The following DNAH7 variants were observed in gnomAD, a reference collection of about 807,000 sequenced individuals.
DNAH7 encodes axonemal beta dynein heavy chain 7.
Under a neutral mutation model 444.6 loss-of-function variants are expected in DNAH7, and 397 were observed. The ratio of observed to expected loss-of-function variants is 0.89; its 90% CI spans 0.82 to 0.97. DNAH7 has a LOEUF of 0.97. Ranked by LOEUF, DNAH7 falls within the 50% of genes least tolerant of loss-of-function variation. DNAH7 has a pLI of 0.00. For synonymous variants in DNAH7, 1,636 were observed against 1,624.4 expected (o/e 1.01, Z -0.17); for missense variants, 4,902 against 4,800.8 (o/e 1.02, Z -0.62).
intron 54 of DNAH7, among the ~76,000 whole-genome samples, chr2:195,799,748 CTGA>C (rs1696359004): frequency 6.6e-6 from 1 of 152,082 alleles, no homozygotes; most frequent in Middle Eastern, 3.2e-3. Context: ...GGCATAGTGG[CTGA>C]AGAAGGAACC....
At position 195,817,651 on chromosome 2, in the gene DNAH7, G is replaced by C; in HGVS notation, c.9425+45C>G. ...AAAATGTATTTTAATTCATTCTAGTGATCTAGAAACAAATAAGAATAGTTC... is the reference window on the plus strand; with the variant it reads ...AAAATGTATTTTAATTCATTCTAGTCATCTAGAAACAAATAAGAATAGTTC... On this transcript the variant is annotated intron_variant, in intron 50 of 64. Coordinates refer to ENST00000312428, the MANE Select transcript of DNAH7 (RefSeq NM_018897.3). The C allele has an allele frequency of 2.0e-6, 3 of 1,518,804 alleles. No homozygotes were observed. The African/African-American group carries it at 4.2e-5, about 21-fold the overall frequency. The allele number at this position is 1,518,804 out of a possible 1,614,324, so 94.1% of individuals were successfully genotyped here.
chr2:196,012,198 T>C (rs1694762523), intron 10 of DNAH7, among the ~76,000 whole-genome samples: 1 of 152,170 alleles, frequency 6.6e-6, no homozygotes, highest in Non-Finnish European at 1.5e-5. Context: ...AATAACTTAA[T>C]GACCCATGAG....
chr2:195,814,381 G>T (rs1030764342), intron 51 of DNAH7, among the ~76,000 whole-genome samples: 5 of 152,090 alleles, frequency 3.3e-5, no homozygotes, highest in African/African-American at 9.7e-5. Context: ...TGGGTAAAAA[G>T]GATTTGCTTT....
intron 21 of DNAH7, 34 bp downstream of exon 21, chr2:195,934,557 T>C (rs746659859): frequency 1.3e-6 from 2 of 1,588,096 alleles, no homozygotes; most frequent in African/African-American, 1.3e-5. Flanking sequence ...TATTCTAGCA[T>C]CCTTTTCTAA....
chr2:195,833,737 C>T (rs1226721887), intron 48 of DNAH7, among the ~76,000 whole-genome samples: 1 of 152,008 alleles, frequency 6.6e-6, no homozygotes, highest in African/African-American at 2.4e-5. Flanking sequence ...AATCTGTACT[C>T]TCCTCTCTGC....
chr2:195,964,330 A>G (rs1691316072), intron 17 of DNAH7, among the ~76,000 whole-genome samples: 1 of 152,114 alleles, frequency 6.6e-6, no homozygotes, highest in Non-Finnish European at 1.5e-5. Flanking sequence ...TCAATATTTT[A>G]TACTTTTCAT....
At chr2:196,049,187 T>C (rs1348717578) in intron 3 of DNAH7, among the ~76,000 whole-genome samples, 1 of 152,216 alleles carries the variant, frequency 6.6e-6, no homozygotes, top group African/African-American at 2.4e-5. Flanking sequence ...TACTGGCTTC[T>C]CTTTCTGCCT....
In DNAH7 at chr2:195,972,267, A is replaced by T; in HGVS notation, c.2033T>A (p.Ile678Lys). 2 of 1,613,816 alleles carry T rather than the reference A, an allele frequency of 1.2e-6. No homozygotes were observed. Among genetic ancestry groups the T allele is most frequent in the Non-Finnish European group, 1.7e-6 (2 of 1,179,756 alleles). Reference sequence around the variant, plus strand: ...CTTCAGACCTTCTTGATATTGTTCTATTTTCTCTTTAATGATTTTCCTGTG... The same window carrying T: ...CTTCAGACCTTCTTGATATTGTTCTTTTTTCTCTTTAATGATTTTCCTGTG... ...EEHRKIIKEK[I>K]EQYQEGLKLR... Residue 678 changes from isoleucine to lysine, a missense_variant, in exon 16 of 65, where the codon ATA becomes AAA. Physicochemically the swap from Ile to Lys is moderately radical, Grantham distance 102. Transcript: ENST00000312428.
chr2:195,885,079 A>G (rs529578555), intron 34 of DNAH7, among the ~76,000 whole-genome samples: 1 of 152,314 alleles, frequency 6.6e-6, no homozygotes, highest in Admixed American at 6.5e-5. Flanking sequence ...TAAATCTCAC[A>G]TTTTCAACAC....
At chr2:195,872,169 A>G in intron 40 of DNAH7, 81 bp downstream of exon 40, 1 of 1,117,410 alleles carries the variant, frequency 8.9e-7, no homozygotes. Flanking sequence ...TATAAATTGA[A>G]GAATATTCTT....
chr2:195,802,797 C>T (rs62201494), intron 54 of DNAH7, among the ~76,000 whole-genome samples: 13,845 of 152,086 alleles, frequency 0.091, 697 homozygotes, highest in African/African-American at 0.13. Flanking sequence ...TTAGGGTATC[C>T]GTTACCCAGA....
At position 195,809,906 on chromosome 2, in the gene DNAH7, A is replaced by G. The variant is rs200515851; in HGVS notation, c.9762-35T>C. On this transcript the variant is annotated intron_variant, in intron 51 of 64. Transcript: ENST00000312428. ...AACAGAAAATAAAGGAAATAAATAA[A>G]AATATACTTTAAAGATAATGCTCTT... 1.6e-4 allele frequency: 234 copies of G among 1,451,778 alleles called. No individual in the cohort carries two copies. The African/African-American group carries it at 3.1e-3, about 19-fold the overall frequency. 89.9% of individuals were successfully genotyped at this position (1,451,778 alleles called of 1,614,324 possible).
intron 61 of DNAH7, among the ~76,000 whole-genome samples, chr2:195,765,686 C>T (rs550247136): frequency 6.6e-6 from 1 of 152,280 alleles, no homozygotes; most frequent in African/African-American, 2.4e-5. Flanking sequence ...GATATCATCT[C>T]GCCCTAGTTA....
intron 5 of DNAH7, among the ~76,000 whole-genome samples, chr2:196,043,106 A>C (rs527931857): frequency 1.3e-5 from 2 of 152,266 alleles, no homozygotes; most frequent in Non-Finnish European, 2.9e-5. Flanking sequence ...GTGAATGACA[A>C]AAGTATTCTA....
At chr2:196,043,509 A>T (rs991307358) in intron 5 of DNAH7, among the ~76,000 whole-genome samples, 2 of 152,200 alleles carry the variant, frequency 1.3e-5, no homozygotes, top group Non-Finnish European at 2.9e-5. Context: ...TTAGGCAAAG[A>T]GTTCATGACC....
intron 51 of DNAH7, among the ~76,000 whole-genome samples, chr2:195,812,289 C>G (rs994733312): frequency 6.6e-6 from 1 of 152,126 alleles, no homozygotes; most frequent in Non-Finnish European, 1.5e-5. Context: ...CATGGTGTGG[C>G]TGGCCTCACA....
At position 195,876,858 on chromosome 2, in the gene DNAH7, A is replaced by G. The variant is rs539456775; in HGVS notation, c.5962-159T>C. ...AGTAGGAATAACAGTTACCATGCCA[A>G]TGGAGTGTCTCCATCTGTCCAGCCT... On this transcript the variant is annotated intron_variant, in intron 36 of 64. Coordinates refer to ENST00000312428, the MANE Select transcript of DNAH7 (RefSeq NM_018897.3). Among the ~76,000 whole-genome samples the G allele has an allele frequency of 7.9e-5, 12 of 152,336 alleles. No homozygotes were observed. In the East Asian group the frequency reaches 1.2e-3, roughly 15 times the overall value.
chr2:195,835,498 C>A (rs1559131489), intron 47 of DNAH7, among the ~76,000 whole-genome samples: 3 of 151,900 alleles, frequency 2.0e-5, no homozygotes. Flanking sequence ...GACTTGTCCC[C>A]CAAAATAAAA....
chr2:195,906,453 C>CTTTTT (rs397870111), intron 27 of DNAH7, among the ~76,000 whole-genome samples: 2 of 114,708 alleles, frequency 1.7e-5, no homozygotes, highest in African/African-American at 3.3e-5. Flanking sequence ...TTCTTTCTTT[C>CTTTTT]TTTTTTTTTT....
Sources: allele counts gnomAD v4.1 joint callset (sites outside exome capture counted in the v4.1 genomes callset), GRCh38; gene constraint gnomAD v4.1.1; transcripts MANE v1.5; gene names NCBI Gene and HGNC (gene_info 2026-07-23, HGNC 2026-07-21).